THUMPD2: variants seen among roughly 807,000 people sequenced by gnomAD.
The protein encoded by THUMPD2 is U6 snRNA (guanine-N(2))-methyltransferase THUMPD2.
In THUMPD2, 56 loss-of-function variants were observed where a neutral mutation model predicts 49.4. The observed-to-expected ratio is 1.13, with a 90% CI of 0.91 to 1.41. THUMPD2 has a LOEUF of 1.41. Among genes scored for constraint, THUMPD2 ranks in the 40% most tolerant of loss-of-function variants. The probability of loss-of-function intolerance (pLI) is 0.00; values close to 1 mark genes in which losing one functional copy is unlikely to be tolerated. For synonymous variants in THUMPD2, 237 were observed against 205.2 expected (o/e 1.15, Z -1.32); for missense variants, 709 against 594.5 (o/e 1.19, Z -2.00).
intron 8 of THUMPD2, among the ~76,000 whole-genome samples, chr2:39,748,054 G>A (rs1266994991): frequency 1.3e-5 from 2 of 152,066 alleles, no homozygotes; most frequent in African/African-American, 2.4e-5. Flanking sequence ...TCATTTCTTC[G>A]TGTTTTTAGG....
chr2:39,745,600 G>C (rs1390986688), intron 8 of THUMPD2, among the ~76,000 whole-genome samples: 1 of 152,102 alleles, frequency 6.6e-6, no homozygotes, highest in African/African-American at 2.4e-5. Flanking sequence ...ATTTACTTTT[G>C]AATTTAATCC....
At chr2:39,738,419 C>G (rs1277657833) in intron 9 of THUMPD2, among the ~76,000 whole-genome samples, 3 of 151,784 alleles carry the variant, frequency 2.0e-5, no homozygotes, top group African/African-American at 7.3e-5. Flanking sequence ...CAAAAATCAG[C>G]CAGGTGTGGT....
chr2:39,775,241 T>C (rs569007843), intron 1 of THUMPD2, among the ~76,000 whole-genome samples: 9 of 152,278 alleles, frequency 5.9e-5, no homozygotes, highest in Non-Finnish European at 7.4e-5. Context: ...ATCACGCCAC[T>C]GTTCCCTAGC....
At chr2:39,757,456 T>A (rs756534968) in intron 6 of THUMPD2, 115 of 1,282,416 alleles carry the variant, frequency 9.0e-5, no homozygotes, top group Non-Finnish European at 1.1e-4. Flanking sequence ...AAATCCCCCA[T>A]GAAGGGGCAG....
chr2:39,765,970 T>C, intron 5 of THUMPD2, 87 bp downstream of exon 5: 1 of 1,037,504 alleles, frequency 9.6e-7, no homozygotes, highest in Non-Finnish European at 1.4e-6. Context: ...GTTATATGAA[T>C]GCTTCATTCA....
intron 1 of THUMPD2, among the ~76,000 whole-genome samples, chr2:39,772,429 G>A (rs72938134): frequency 0.022 from 3,342 of 152,286 alleles, 113 homozygotes; most frequent in African/African-American, 0.075. Context: ...AGGACTGAGT[G>A]TAGAATGTGA....
chr2:39,744,494 CAG>C lies in THUMPD2; in HGVS notation c.1079-18_1079-17del, dbSNP rs761974289. 4.8e-5 allele frequency: 72 copies of C among 1,492,466 alleles called. No individual in the cohort carries two copies. Among genetic ancestry groups the C allele is most frequent in the Non-Finnish European group, 6.4e-5 (70 of 1,097,686 alleles). 92.5% of individuals were successfully genotyped at this position (1,492,466 alleles called of 1,614,324 possible). On this transcript the variant is annotated splice_polypyrimidine_tract_variant and intron_variant, in intron 8 of 9. Coordinates refer to ENST00000505747, the MANE Select transcript of THUMPD2 (RefSeq NM_025264.5). ...AATGGCAATTCTGAAATATAGAAAT[CAG>C]AGAATCCTATTACAGTAGGGTCAAA...
intron 5 of THUMPD2, among the ~76,000 whole-genome samples, chr2:39,763,069 A>G (rs896188192): frequency 2.6e-5 from 4 of 152,030 alleles, no homozygotes; most frequent in African/African-American, 9.7e-5. Flanking sequence ...TCAGAAATAA[A>G]CTCCTTGAAA....
intron 1 of THUMPD2, among the ~76,000 whole-genome samples, chr2:39,774,593 A>C (rs1476182582): frequency 6.6e-6 from 1 of 152,118 alleles, no homozygotes; most frequent in Non-Finnish European, 1.5e-5. Context: ...TAAACAGTTC[A>C]CTCTTTGTGA....
chr2:39,749,728 A>G lies in THUMPD2; in HGVS notation c.1079-5250T>C, dbSNP rs150861146. Among the ~76,000 whole-genome samples, 906 of 152,212 alleles carry G rather than the reference A, an allele frequency of 6.0e-3. 6 individuals carry two copies. The highest frequency in any genetic ancestry group is 0.021 in the African/African-American group (860 of 41,518). Reference sequence around the variant, plus strand: ...CTTGGTAATAAGACCAGCATCCATTAGCTATTCTTCCTAATGCTCTCCCTC... The same window carrying G: ...CTTGGTAATAAGACCAGCATCCATTGGCTATTCTTCCTAATGCTCTCCCTC... On this transcript the variant is annotated intron_variant, in intron 8 of 9. Transcript: ENST00000505747.
At chr2:39,771,030 T>C (rs565548373) in intron 2 of THUMPD2, among the ~76,000 whole-genome samples, 36 of 142,716 alleles carry the variant, frequency 2.5e-4, no homozygotes, top group Middle Eastern at 3.7e-3. Flanking sequence ...TTACCTCTAA[T>C]GCTTGGTAAG....
At chr2:39,765,450 G>A (rs1339070675) in intron 5 of THUMPD2, among the ~76,000 whole-genome samples, 1 of 151,866 alleles carries the variant, frequency 6.6e-6, no homozygotes, top group Non-Finnish European at 1.5e-5. Flanking sequence ...GAGCCACCGC[G>A]CCCGGTCCCT....
chr2:39,768,441 T>G lies in THUMPD2; in HGVS notation c.733A>C (p.Arg245=). The change falls in exon 4 of 10, where the codon AGG becomes CGG. Residue 245 remains arginine, a synonymous_variant. Transcript: ENST00000505747. ...CTCATTACCTCTAATTGTGGATTCCTCAAGTCTGCTTTCCATCCAAAGTGT... is the reference window on the plus strand; with the variant it reads ...CTCATTACCTCTAATTGTGGATTCCGCAAGTCTGCTTTCCATCCAAAGTGT... ...MKHFGWKADL[R]NPQLEIFIHL... The G allele has an allele frequency of 1.9e-6, 3 of 1,612,622 alleles. No homozygotes were observed. Among genetic ancestry groups the G allele is most frequent in the South Asian group, 2.2e-5 (2 of 90,858 alleles).
At chr2:39,770,736 T>C (rs1392686524) in intron 2 of THUMPD2, among the ~76,000 whole-genome samples, 2 of 151,936 alleles carry the variant, frequency 1.3e-5, no homozygotes, top group Non-Finnish European at 2.9e-5. Context: ...GTGTGTAGAG[T>C]ACTAGGAGGA....
intron 6 of THUMPD2, among the ~76,000 whole-genome samples, chr2:39,757,874 C>T (rs1214374364): frequency 3.3e-5 from 5 of 152,112 alleles, no homozygotes; most frequent in African/African-American, 1.2e-4. Context: ...GCTCTGGGTA[C>T]CAAGCTCCAA....
intron 8 of THUMPD2, among the ~76,000 whole-genome samples, chr2:39,745,274 A>T (rs1674418359): frequency 6.6e-6 from 1 of 152,200 alleles, no homozygotes; most frequent in Admixed American, 6.5e-5. Flanking sequence ...AAATATCAAA[A>T]GTTTCTGTTG....
chr2:39,761,045 T>C (rs1676755119), intron 6 of THUMPD2, among the ~76,000 whole-genome samples: 1 of 151,610 alleles, frequency 6.6e-6, no homozygotes, highest in African/African-American at 2.4e-5. Flanking sequence ...GAATAGGAGG[T>C]TTTACAGGCC....
intron 8 of THUMPD2, among the ~76,000 whole-genome samples, chr2:39,753,594 TTA>T (rs1469239336): frequency 6.6e-6 from 1 of 152,174 alleles, no homozygotes; most frequent in Non-Finnish European, 1.5e-5. Flanking sequence ...CGTGCGAAAT[TTA>T]ACAGGTCCTA....
chr2:39,744,775 G>A, intron 8 of THUMPD2: 1 of 189,912 alleles, frequency 5.3e-6, no homozygotes, highest in Non-Finnish European at 1.1e-5. Flanking sequence ...AGCTTGTATA[G>A]AAAGCTGCTA....
Sources: gnomAD v4.1 joint callset for allele counts (sites outside exome capture counted in the v4.1 genomes callset) on GRCh38, gnomAD v4.1.1 for gene constraint, MANE v1.5 for transcripts, NCBI Gene and HGNC (gene_info 2026-07-23, HGNC 2026-07-21) for gene names.